Variants in TAFA5 observed in about 807,000 individuals in gnomAD.
The protein encoded by TAFA5 is chemokine-like protein TAFA-5.
A neutral mutation model predicts 15.3 loss-of-function variants in TAFA5; 6 were observed. The observed-to-expected ratio is 0.39, with a 90% CI of 0.21 to 0.77. The LOEUF (loss-of-function observed/expected upper bound fraction) is 0.77. TAFA5 is among the 30% of genes least tolerant of loss of function. The pLI is 0.41. For synonymous variants in TAFA5, 103 were observed against 80.7 expected, an observed-to-expected ratio of 1.28 and a Z score of -1.48; for missense variants, 161 against 193.1, an observed-to-expected ratio of 0.83 and a Z score of 0.98.
chr22:48,714,804 C>T (rs912842268), intron 3 of TAFA5, among the ~76,000 whole-genome samples: 11 of 152,204 alleles, frequency 7.2e-5, no homozygotes, highest in Non-Finnish European at 1.2e-4. Context: ...GTCCTGAAGG[C>T]CAGGAGGTCC....
At chr22:48,631,781 G>A (rs1816707913) in intron 1 of TAFA5, among the ~76,000 whole-genome samples, 1 of 152,278 alleles carries the variant, frequency 6.6e-6, no homozygotes, top group Non-Finnish European at 1.5e-5. Flanking sequence ...GCTAGACATC[G>A]CGGAATGTAA....
At chr22:48,557,415 C>T (rs1430017640) in intron 1 of TAFA5, among the ~76,000 whole-genome samples, 4 of 152,152 alleles carry the variant, frequency 2.6e-5, no homozygotes, top group Non-Finnish European at 2.9e-5. Context: ...CCTGGACTCC[C>T]GGCCTCCAGG....
chr22:48,692,646 T>C (rs1928578038), intron 2 of TAFA5, among the ~76,000 whole-genome samples: 1 of 152,196 alleles, frequency 6.6e-6, no homozygotes. Flanking sequence ...CCATAAATGA[T>C]GATGGCAGTG....
chr22:48,537,458 C>G (rs1317708297), intron 1 of TAFA5, among the ~76,000 whole-genome samples: 1 of 152,228 alleles, frequency 6.6e-6, no homozygotes, highest in Non-Finnish European at 1.5e-5. Flanking sequence ...GGCATGTGGG[C>G]AGAGGATGGG....
chr22:48,711,346 ATGGG>A lies in TAFA5; in HGVS notation c.390+3503_390+3506del, dbSNP rs1285284837. Among the ~76,000 whole-genome samples the A allele has an allele frequency of 1.4e-4, 21 of 149,952 alleles. No homozygotes were observed. The Admixed American group carries it at 1.4e-3, about 10-fold the overall frequency. On this transcript the variant is annotated intron_variant, in intron 3 of 3. Transcript: ENST00000402357. ...GCTATGGCGGGGGCACCTTGTATAC[ATGGG>A]CCGCGGATGCCTGGGCCGGTAGATC...
In TAFA5 at chr22:48,578,894, G is replaced by A. The variant is rs552821747; in HGVS notation, c.113-67703G>A. Among the ~76,000 whole-genome samples the A allele has an allele frequency of 6.6e-5, 10 of 152,344 alleles. No homozygotes were observed. The South Asian group carries it at 2.1e-3, about 32-fold the overall frequency. ...GGCCGACTCTGGTTCCTGGCTGATG[G>A]GCTCGGCCTGGGGCCACTCTCCTCC... is the stretch of plus-strand genomic sequence containing the variant. On this transcript the variant is annotated intron_variant, in intron 1 of 3. Coordinates refer to ENST00000402357, the MANE Select transcript of TAFA5 (RefSeq NM_001082967.3).
chr22:48,525,336 A>G (rs1452931493), intron 1 of TAFA5, among the ~76,000 whole-genome samples: 4 of 152,104 alleles, frequency 2.6e-5, no homozygotes, highest in Non-Finnish European at 5.9e-5. Context: ...ACCTCCACAC[A>G]GGGACCCTGG....
chr22:48,708,915 G>A (rs1452740163), intron 3 of TAFA5, among the ~76,000 whole-genome samples: 2 of 152,212 alleles, frequency 1.3e-5, no homozygotes, highest in Admixed American at 6.5e-5. Context: ...TCCGGCACTT[G>A]GTTCAAGAGG....
At chr22:48,743,629 A>G (rs1354544354) in intron 3 of TAFA5, among the ~76,000 whole-genome samples, 1 of 152,144 alleles carries the variant, frequency 6.6e-6, no homozygotes, top group Non-Finnish European at 1.5e-5. Context: ...GTGCGTCCTC[A>G]TTCCGGCGTA....
chr22:48,708,564 G>A (rs130150), intron 3 of TAFA5, among the ~76,000 whole-genome samples: 2 of 152,098 alleles, frequency 1.3e-5, no homozygotes, highest in Admixed American at 1.3e-4. Context: ...GGGAGCCCAC[G>A]CCCACGTGCA....
intron 1 of TAFA5, among the ~76,000 whole-genome samples, chr22:48,531,415 C>A (rs149123573): frequency 1.3e-5 from 2 of 152,180 alleles, no homozygotes; most frequent in Non-Finnish European, 2.9e-5. Context: ...GTGAGTCTTG[C>A]GGCCTCTGCA....
intron 3 of TAFA5, among the ~76,000 whole-genome samples, chr22:48,732,997 A>G (rs533329751): frequency 1.3e-5 from 2 of 152,320 alleles, no homozygotes; most frequent in South Asian, 4.1e-4. Context: ...TTGCACACTG[A>G]GTAGACTGCA....
At chr22:48,739,778 G>A (rs942895666) in intron 3 of TAFA5, among the ~76,000 whole-genome samples, 2 of 152,188 alleles carry the variant, frequency 1.3e-5, no homozygotes, top group African/African-American at 4.8e-5. Context: ...TTCATTGCTT[G>A]TGGACTGGTT....
At chr22:48,707,955 C>G in intron 3 of TAFA5, 111 bp downstream of exon 3, 2 of 1,417,828 alleles carry the variant, frequency 1.4e-6, no homozygotes, top group Non-Finnish European at 1.9e-6. Context: ...TCACTCCATC[C>G]TCATGCAGAG....
chr22:48,669,658 C>G (rs992917477), intron 2 of TAFA5, among the ~76,000 whole-genome samples: 1 of 152,236 alleles, frequency 6.6e-6, no homozygotes, highest in Non-Finnish European at 1.5e-5. Flanking sequence ...AGCCTTTCCT[C>G]CCTGAGCCAG....
At chr22:48,492,930 G>C (rs2147091309) in intron 1 of TAFA5, among the ~76,000 whole-genome samples, 1 of 152,324 alleles carries the variant, frequency 6.6e-6, no homozygotes, top group South Asian at 2.1e-4. Flanking sequence ...TTGGAGTAGA[G>C]AAGTCTGTCT....
At chr22:48,645,227 G>A (rs1198683757) in intron 1 of TAFA5, among the ~76,000 whole-genome samples, 1 of 152,130 alleles carries the variant, frequency 6.6e-6, no homozygotes, top group African/African-American at 2.4e-5. Flanking sequence ...TGAGGGACAA[G>A]CTCCATCCTG....
intron 1 of TAFA5, among the ~76,000 whole-genome samples, chr22:48,571,254 T>G (rs1029748427): frequency 6.6e-5 from 10 of 151,780 alleles, no homozygotes; most frequent in South Asian, 2.1e-4. Context: ...AGAACATTTT[T>G]TTGTTGTTGT....
intron 2 of TAFA5, among the ~76,000 whole-genome samples, chr22:48,674,851 G>A (rs1927920864): frequency 6.6e-6 from 1 of 152,162 alleles, no homozygotes; most frequent in African/African-American, 2.4e-5. Flanking sequence ...TTCTTTCGGT[G>A]TTGCTGTGGC....
Sources: allele counts gnomAD v4.1 joint callset (sites outside exome capture counted in the v4.1 genomes callset), GRCh38; gene constraint gnomAD v4.1.1; transcripts MANE v1.5; gene names NCBI Gene and HGNC (gene_info 2026-07-23, HGNC 2026-07-21).